The following ARHGEF9 variants were observed in gnomAD, a reference collection of about 807,000 sequenced individuals.
ARHGEF9 encodes rho guanine nucleotide exchange factor 9.
ARHGEF9 carries 2 observed loss-of-function variants against 41.3 expected under a neutral mutation model. That is an observed-to-expected ratio of 0.05 (90% CI 0.02 to 0.15). The LOEUF (loss-of-function observed/expected upper bound fraction) is 0.15, where lower values mean the gene tolerates loss of function less well. Ranked by LOEUF, ARHGEF9 falls within the 10% of genes least tolerant of loss-of-function variation. ARHGEF9 has a pLI of 1.00. For missense variants in ARHGEF9, 225 were observed against 424.7 expected (o/e 0.53, Z 4.13); for synonymous variants, 160 against 154.4 (o/e 1.04, Z -0.27).
intron 1 of ARHGEF9, among the ~76,000 whole-genome samples, chrX:63,749,490 C>G (rs1226967359): frequency 2.5e-4 from 28 of 112,415 alleles, no homozygotes; most frequent in African/African-American, 8.4e-4. Context: ...CTCAGCCTCC[C>G]AAAGTGCTGG....
intron 1 of ARHGEF9, among the ~76,000 whole-genome samples, chrX:63,730,438 T>G (rs781882249): frequency 8.9e-5 from 10 of 111,913 alleles, no homozygotes; most frequent in African/African-American, 3.2e-4. Context: ...CAGTCCCCCA[T>G]GGAACCAGTC....
At chrX:63,753,539 TG>T (rs201787398) in intron 1 of ARHGEF9, among the ~76,000 whole-genome samples, 4 of 105,672 alleles carry the variant, frequency 3.8e-5, no homozygotes, top group South Asian at 4.2e-4. Context: ...TTCTTTCTTG[TG>T]GGGTTTTTTT....
intron 4 of ARHGEF9, among the ~76,000 whole-genome samples, chrX:63,690,097 G>A (rs1282035561): frequency 3.6e-5 from 4 of 111,039 alleles, no homozygotes; most frequent in Admixed American, 2.9e-4. Flanking sequence ...GAATTAGGAA[G>A]GCAAGAACAA....
At chrX:63,687,552 T>A (rs1345218612) in intron 4 of ARHGEF9, among the ~76,000 whole-genome samples, 1 of 111,154 alleles carries the variant, frequency 9.0e-6, no homozygotes, top group Non-Finnish European at 1.9e-5. Context: ...TGAGATGATG[T>A]TGTGTGAGCT....
chrX:63,647,197 C>A (rs1291547510), intron 8 of ARHGEF9, among the ~76,000 whole-genome samples: 1 of 111,506 alleles, frequency 9.0e-6, no homozygotes, highest in African/African-American at 3.3e-5. Flanking sequence ...TTGACTTCCT[C>A]TTTTCCTAAT....
chrX:63,779,854 G>A (rs1556461047), intron 1 of ARHGEF9, among the ~76,000 whole-genome samples: 1 of 111,455 alleles, frequency 9.0e-6, no homozygotes, highest in Admixed American at 9.5e-5. Context: ...CAAAAACATC[G>A]TTTTTCCCTT....
At chrX:63,775,318 A>G (rs2056274392) in intron 1 of ARHGEF9, among the ~76,000 whole-genome samples, 1 of 112,704 alleles carries the variant, frequency 8.9e-6, no homozygotes, top group African/African-American at 3.2e-5. Context: ...TAGCAATCCC[A>G]TTACTGGGTA....
intron 1 of ARHGEF9, among the ~76,000 whole-genome samples, chrX:63,759,537 G>A (rs1264929496): frequency 2.7e-5 from 3 of 111,814 alleles, no homozygotes; most frequent in African/African-American, 9.8e-5. Context: ...ATCTCTTTGA[G>A]CCAGATGTTG....
In ARHGEF9 at chrX:63,773,655, T is replaced by C. The variant is rs782184623; in HGVS notation, c.30+11461A>G. 3.6e-5 allele frequency among the ~76,000 whole-genome samples: 4 copies of C among 112,156 alleles called. No homozygotes were observed. In the East Asian group the frequency reaches 1.1e-3, roughly 31 times the overall value. ...ATTTGATCAAACATTACTCTGGGTG[T>C]GTCTGTGAGGACTTTTCCAGATGCA... On this transcript the variant is annotated intron_variant, in intron 1 of 9. Coordinates refer to ENST00000671741, the MANE Select transcript of ARHGEF9 (RefSeq NM_001353921.2).
At chrX:63,691,756 C>T (rs190061424) in intron 4 of ARHGEF9, among the ~76,000 whole-genome samples, 293 of 110,666 alleles carry the variant, frequency 2.6e-3, no homozygotes, top group Middle Eastern at 0.014. Flanking sequence ...AAAGCAATCC[C>T]GAGCAAAAAG....
chrX:63,781,984 C>T lies in ARHGEF9; in HGVS notation c.30+3132G>A, dbSNP rs1344478945. On this transcript the variant is annotated intron_variant, in intron 1 of 9. Transcript: ENST00000671741. The stretch of plus-strand genomic sequence containing the variant: ...CTTCCTTCACATCTTTGCTCAAATG[C>T]CCCTTAACTAGTGAGGCTTTGATGG... Among the ~76,000 whole-genome samples, 6 of 112,113 alleles carry T rather than the reference C, an allele frequency of 5.4e-5. No individual in the cohort carries two copies. The East Asian group carries it at 1.7e-3, about 32-fold the overall frequency.
chrX:63,776,868 A>G (rs2056301465), intron 1 of ARHGEF9, among the ~76,000 whole-genome samples: 1 of 111,534 alleles, frequency 9.0e-6, no homozygotes, highest in African/African-American at 3.3e-5. Flanking sequence ...AACTGTCATC[A>G]ATACCTCCCA....
intron 1 of ARHGEF9, among the ~76,000 whole-genome samples, chrX:63,778,614 G>A (rs1259126141): frequency 4.5e-5 from 5 of 112,089 alleles, no homozygotes; most frequent in Non-Finnish European, 7.5e-5. Flanking sequence ...TTCAACATAA[G>A]TTCTAATTCC....
Position 63,745,115 on chromosome X carries a change from G to C in ARHGEF9, c.31-20404C>G, listed in dbSNP as rs782219453. Among the ~76,000 whole-genome samples the C allele has an allele frequency of 9.6e-5, 8 of 83,494 alleles. No homozygotes were observed. The East Asian group carries it at 3.5e-3, about 36-fold the overall frequency. The allele number at this position is 83,494 out of a possible 115,157, so 72.5% of individuals were successfully genotyped here. On this transcript the variant is annotated intron_variant, in intron 1 of 9. Coordinates refer to ENST00000671741, the MANE Select transcript of ARHGEF9 (RefSeq NM_001353921.2). ...CTGCCTTTAGGCACCACACTCTGAG[G>C]GGGTGGGGGGTGGGCTCTTAGTACA...
intron 3 of ARHGEF9, among the ~76,000 whole-genome samples, chrX:63,700,534 T>C (rs1440819837): frequency 4.5e-5 from 5 of 111,451 alleles, no homozygotes; most frequent in African/African-American, 6.5e-5. Flanking sequence ...CATTTTCAGT[T>C]AGAAAAAAGA....
In ARHGEF9 at chrX:63,775,690, G is replaced by A. The variant is rs567477401; in HGVS notation, c.30+9426C>T. On this transcript the variant is annotated intron_variant, in intron 1 of 9. Coordinates refer to ENST00000671741, the MANE Select transcript of ARHGEF9 (RefSeq NM_001353921.2). ...GCCTACTTGAGGGTGAAGGATGTGA[G>A]GAGGGTGAGGACTGAAAAAATACCT... is the stretch of plus-strand genomic sequence containing the variant. Among the ~76,000 whole-genome samples the A allele has an allele frequency of 4.5e-5, 5 of 111,591 alleles. No homozygotes were observed. In the South Asian group the frequency reaches 1.9e-3, roughly 43 times the overall value.
At chrX:63,743,522 C>A (rs1327089129) in intron 1 of ARHGEF9, 1 of 112,478 alleles carries the variant, frequency 8.9e-6, no homozygotes, top group African/African-American at 3.2e-5. Context: ...CTTGTCCTGC[C>A]CCCAGATCAG....
chrX:63,673,005 C>T (rs1281752193), intron 6 of ARHGEF9, among the ~76,000 whole-genome samples: 2 of 111,977 alleles, frequency 1.8e-5, no homozygotes, highest in Non-Finnish European at 1.9e-5. Context: ...TATATGGGAA[C>T]ATTATCCTTC....
intron 8 of ARHGEF9, among the ~76,000 whole-genome samples, chrX:63,654,573 C>T (rs1344091459): frequency 8.9e-6 from 1 of 111,862 alleles, no homozygotes; most frequent in Non-Finnish European, 1.9e-5. Flanking sequence ...TTCTGACCAT[C>T]CTTTCTTACC....
Sources: allele counts gnomAD v4.1 joint callset (sites outside exome capture counted in the v4.1 genomes callset), GRCh38; gene constraint gnomAD v4.1.1; transcripts MANE v1.5; gene names NCBI Gene and HGNC (gene_info 2026-07-23, HGNC 2026-07-21).